Variants in TENM2 observed in about 807,000 individuals in gnomAD.
The protein encoded by TENM2 is teneurin transmembrane protein 2.
TENM2 carries 52 observed loss-of-function variants against 245.2 expected under a neutral mutation model. The observed-to-expected ratio is 0.21, with a 90% CI of 0.17 to 0.27. The LOEUF (loss-of-function observed/expected upper bound fraction) is 0.27, where lower values mean the gene tolerates loss of function less well. TENM2 is among the 10% of genes least tolerant of loss of function. The probability of loss-of-function intolerance (pLI) is 1.00; values close to 1 mark genes in which losing one functional copy is unlikely to be tolerated. For synonymous variants in TENM2, 1,363 were observed against 1,438.9 expected, an observed-to-expected ratio of 0.95 and a Z score of 1.19; for missense variants, 3,046 against 3,666.8, an observed-to-expected ratio of 0.83 and a Z score of 4.37.
At chr5:168,260,730 T>C (rs1768109327) in intron 28 of TENM2, among the ~76,000 whole-genome samples, 1 of 152,204 alleles carries the variant, frequency 6.6e-6, no homozygotes, top group Non-Finnish European at 1.5e-5. Flanking sequence ...GCACTGCCTA[T>C]AAGATCATAA....
chr5:167,188,270 T>C, the TENM2 span, among the ~76,000 whole-genome samples: 3 of 152,162 alleles, frequency 2.0e-5, no homozygotes, highest in African/African-American at 7.2e-5. Context: ...TCTCACCTAT[T>C]AGAAGGTAGT....
intron 2 of TENM2, among the ~76,000 whole-genome samples, chr5:167,478,750 A>G (rs1194670730): frequency 6.6e-6 from 1 of 152,150 alleles, no homozygotes; most frequent in Admixed American, 6.5e-5. Flanking sequence ...ACCATTTTTA[A>G]AACATTTTGC....
chr5:168,215,534 C>T (rs930084994), intron 21 of TENM2, among the ~76,000 whole-genome samples: 4 of 152,024 alleles, frequency 2.6e-5, no homozygotes, highest in African/African-American at 4.8e-5. Flanking sequence ...CCGGGCGTGG[C>T]GGTGGGCGCC....
intron 3 of TENM2, among the ~76,000 whole-genome samples, chr5:167,876,997 T>C (rs1033697881): frequency 2.8e-4 from 43 of 152,320 alleles, no homozygotes; most frequent in African/African-American, 1.0e-3. Flanking sequence ...CTCCTGTTGG[T>C]GTTATGTTCC....
chr5:167,462,122 TCTTC>T (rs1423303910), intron 2 of TENM2, among the ~76,000 whole-genome samples: 2 of 150,112 alleles, frequency 1.3e-5, no homozygotes, highest in Non-Finnish European at 3.0e-5. Context: ...TGCACAAACC[TCTTC>T]CTTAAATTTT....
chr5:167,742,450 C>G (rs1297714814), intron 2 of TENM2, among the ~76,000 whole-genome samples: 1 of 150,966 alleles, frequency 6.6e-6, no homozygotes, highest in Non-Finnish European at 1.5e-5. Flanking sequence ...TTTTAAGGTT[C>G]TTCACCCAAT....
At chr5:168,120,910 A>G (rs1313578037) in intron 10 of TENM2, among the ~76,000 whole-genome samples, 1 of 152,246 alleles carries the variant, frequency 6.6e-6, no homozygotes, top group Non-Finnish European at 1.5e-5. Flanking sequence ...AATTTGCCCA[A>G]GAAAATGAAA....
At chr5:167,108,568 A>G in the TENM2 span, among the ~76,000 whole-genome samples, 1 of 152,218 alleles carries the variant, frequency 6.6e-6, no homozygotes, top group Non-Finnish European at 1.5e-5. Context: ...TCATTGTTAG[A>G]CAGAAAATCT....
At chr5:168,107,470 A>G (rs1218579530) in intron 9 of TENM2, among the ~76,000 whole-genome samples, 5 of 152,208 alleles carry the variant, frequency 3.3e-5, no homozygotes, top group Admixed American at 1.3e-4. Flanking sequence ...ACCAATGTGT[A>G]TTTCCAGGTT....
chr5:167,598,131 T>C (rs1234943710), intron 2 of TENM2, among the ~76,000 whole-genome samples: 2 of 152,208 alleles, frequency 1.3e-5, no homozygotes, highest in African/African-American at 2.4e-5. Context: ...CCACTGTCTG[T>C]TAACTTTCCA....
chr5:167,467,976 G>A (rs573296237), intron 2 of TENM2, among the ~76,000 whole-genome samples: 20 of 152,116 alleles, frequency 1.3e-4, no homozygotes, highest in South Asian at 1.2e-3. Flanking sequence ...CGCTCTTGTC[G>A]CCCAGGCTGG....
intron 2 of TENM2, among the ~76,000 whole-genome samples, chr5:167,438,341 A>C (rs941895716): frequency 6.6e-6 from 1 of 152,156 alleles, no homozygotes; most frequent in Non-Finnish European, 1.5e-5. Flanking sequence ...GCATGTAGGC[A>C]CTTCACAGAC....
intron 2 of TENM2, among the ~76,000 whole-genome samples, chr5:167,632,481 T>C (rs1462577372): frequency 6.6e-6 from 1 of 152,256 alleles, no homozygotes; most frequent in Non-Finnish European, 1.5e-5. Context: ...TTAATACATA[T>C]TTCTAAGGCA....
chr5:167,844,058 C>A (rs1448000254), intron 2 of TENM2, among the ~76,000 whole-genome samples: 1 of 152,180 alleles, frequency 6.6e-6, no homozygotes, highest in African/African-American at 2.4e-5. Context: ...TGTTTCCTTA[C>A]TGCCTGTACA....
At chr5:167,782,683 G>C (rs899440825) in intron 2 of TENM2, among the ~76,000 whole-genome samples, 1 of 152,312 alleles carries the variant, frequency 6.6e-6, no homozygotes, top group Admixed American at 6.5e-5. Flanking sequence ...ACAGAAAAGA[G>C]AGCAATTAAA....
the TENM2 span, among the ~76,000 whole-genome samples, chr5:167,028,920 G>A: frequency 6.6e-6 from 1 of 151,802 alleles, no homozygotes; most frequent in Admixed American, 6.6e-5. Flanking sequence ...TAGATGAGGA[G>A]GAAATTATAA....
chr5:166,993,574 AAC>A, the TENM2 span, among the ~76,000 whole-genome samples: 2 of 152,200 alleles, frequency 1.3e-5, no homozygotes, highest in Non-Finnish European at 2.9e-5. Context: ...GTAGATGGCC[AAC>A]CATGACTCAT....
chr5:167,518,577 A>G (rs1014886814), intron 2 of TENM2, among the ~76,000 whole-genome samples: 11 of 152,172 alleles, frequency 7.2e-5, no homozygotes, highest in Non-Finnish European at 1.3e-4. Context: ...TGACTGGAGT[A>G]GCTAACATCT....
intron 12 of TENM2, among the ~76,000 whole-genome samples, chr5:168,135,704 C>A (rs1205494181): frequency 1.3e-5 from 2 of 150,354 alleles, no homozygotes; most frequent in South Asian, 4.3e-4. Flanking sequence ...TTTAGTTAAT[C>A]TTCCCTCTAA....
Sources: gnomAD v4.1 joint callset for allele counts (sites outside exome capture counted in the v4.1 genomes callset) on GRCh38, gnomAD v4.1.1 for gene constraint, MANE v1.5 for transcripts, NCBI Gene and HGNC (gene_info 2026-07-23, HGNC 2026-07-21) for gene names.